Variants in SYNPR observed in about 807,000 individuals in gnomAD.
SYNPR encodes synaptoporin.
SYNPR carries 23 observed loss-of-function variants against 32.9 expected under a neutral mutation model. That is an observed-to-expected ratio of 0.70 (90% CI 0.50 to 0.99). The LOEUF (loss-of-function observed/expected upper bound fraction) is 0.99, where lower values mean the gene tolerates loss of function less well. SYNPR is among the 50% of genes least tolerant of loss of function. The pLI, the probability that SYNPR is intolerant of heterozygous loss-of-function variation, is 0.00. For missense variants in SYNPR, 318 were observed against 349.3 expected (o/e 0.91, Z 0.71); for synonymous variants, 146 against 135.9 (o/e 1.07, Z -0.52).
chr3:63,408,178 GAAAGAAAGAAAGAA>G (rs2088391683), intron 2 of SYNPR, among the ~76,000 whole-genome samples: 2 of 113,620 alleles, frequency 1.8e-5, no homozygotes, highest in Non-Finnish European at 3.4e-5. Context: ...AAGAAAGAAA[GAAAGAAAGAAAGAA>G]AGAGGAAGGA....
chr3:63,244,680 C>T lies in SYNPR; in HGVS notation n.67-7819C>T, dbSNP rs564718942. Among the ~76,000 whole-genome samples, 109 of 152,208 alleles carry T rather than the reference C, an allele frequency of 7.2e-4. 1 individual carries two copies. The highest frequency in any genetic ancestry group is 2.6e-3 in the African/African-American group (108 of 41,564). ...CTTCTTTCCAATGATAGCCCTGTTCCACAAGCTCTGCAAGATGGCAACTTC... is the reference window on the plus strand; with the variant it reads ...CTTCTTTCCAATGATAGCCCTGTTCTACAAGCTCTGCAAGATGGCAACTTC... On this transcript the variant is annotated intron_variant and non_coding_transcript_variant, in intron 1 of 4. Coordinates refer to the SYNPR transcript ENST00000478456.
chr3:63,536,250 TGAA>T (rs1702204596), intron 3 of SYNPR, among the ~76,000 whole-genome samples: 2 of 152,240 alleles, frequency 1.3e-5, no homozygotes, highest in South Asian at 4.1e-4. Context: ...CCAGAATATA[TGAA>T]GAATTCTTAT....
intron 3 of SYNPR, among the ~76,000 whole-genome samples, chr3:63,490,114 G>A (rs1459417401): frequency 1.3e-5 from 2 of 152,172 alleles, no homozygotes; most frequent in African/African-American, 4.8e-5. Flanking sequence ...TGAAATTTGA[G>A]TGCAGACCTG....
chr3:63,227,494 A>T (rs2086137434), upstream of SYNPR, among the ~76,000 whole-genome samples: 1 of 152,178 alleles, frequency 6.6e-6, no homozygotes, highest in African/African-American at 2.4e-5. Context: ...CGGTCACTTA[A>T]TCTAAAATAG....
intron 2 of SYNPR, among the ~76,000 whole-genome samples, chr3:63,465,559 A>G (rs866217598): frequency 6.6e-6 from 1 of 152,274 alleles, no homozygotes; most frequent in Middle Eastern, 3.4e-3. Context: ...TTTCAAACAT[A>G]TATAAAGAAA....
chr3:63,401,952 G>A (rs568133344), intron 2 of SYNPR, among the ~76,000 whole-genome samples: 36 of 152,174 alleles, frequency 2.4e-4, no homozygotes, highest in African/African-American at 8.0e-4. Context: ...TTCTGCCAGA[G>A]AGACACCTAG....
chr3:63,393,121 C>T (rs957467634), intron 2 of SYNPR, among the ~76,000 whole-genome samples: 1 of 152,176 alleles, frequency 6.6e-6, no homozygotes, highest in African/African-American at 2.4e-5. Flanking sequence ...GTGCTTGTTA[C>T]TTACACACCT....
chr3:63,404,836 G>T (rs889746127), intron 2 of SYNPR, among the ~76,000 whole-genome samples: 1 of 151,902 alleles, frequency 6.6e-6, no homozygotes, highest in African/African-American at 2.4e-5. Context: ...TATTTAACAC[G>T]TTTCACATAA....
intron 2 of SYNPR, among the ~76,000 whole-genome samples, chr3:63,314,495 G>T (rs1471760946): frequency 6.6e-6 from 1 of 151,566 alleles, no homozygotes; most frequent in Non-Finnish European, 1.5e-5. Context: ...TTTCATATGT[G>T]TGTTGGTTTG....
At chr3:63,443,266 G>A in intron 2 of SYNPR, 4 of 1,438,122 alleles carry the variant, frequency 2.8e-6, no homozygotes, top group Non-Finnish European at 3.7e-6. Context: ...GGCTGAAGCT[G>A]CTATCTGATT....
chr3:63,385,120 G>A (rs1055865246), intron 2 of SYNPR, among the ~76,000 whole-genome samples: 5 of 152,010 alleles, frequency 3.3e-5, no homozygotes, highest in African/African-American at 1.2e-4. Context: ...GATACCTCCT[G>A]TACTATTATT....
At chr3:63,501,349 T>C (rs1217161650) in intron 3 of SYNPR, among the ~76,000 whole-genome samples, 2 of 151,788 alleles carry the variant, frequency 1.3e-5, no homozygotes, top group Non-Finnish European at 2.9e-5. Flanking sequence ...AATGGTGGCA[T>C]GCCCCTGTAG....
intron 3 of SYNPR, among the ~76,000 whole-genome samples, chr3:63,553,498 T>C (rs1702537817): frequency 6.6e-6 from 1 of 152,188 alleles, no homozygotes. Context: ...TGTTTTAAGT[T>C]ATTTGAGAAA....
At chr3:63,264,974 G>C (rs1053429827) in intron 2 of SYNPR, among the ~76,000 whole-genome samples, 1 of 151,984 alleles carries the variant, frequency 6.6e-6, no homozygotes, top group African/African-American at 2.4e-5. Context: ...CCCTTGACAC[G>C]TGGGGATTAT....
chr3:63,589,085 C>T (rs1358698242), intron 4 of SYNPR, among the ~76,000 whole-genome samples: 1 of 152,054 alleles, frequency 6.6e-6, no homozygotes, highest in Non-Finnish European at 1.5e-5. Context: ...GAGTCCAACA[C>T]TCCCTCTAGA....
intron 2 of SYNPR, among the ~76,000 whole-genome samples, chr3:63,307,272 G>A (rs1216486614): frequency 1.3e-5 from 2 of 151,976 alleles, no homozygotes; most frequent in Non-Finnish European, 2.9e-5. Context: ...CAGGCAGTCT[G>A]ACTTCCCATC....
rs575685499 is a variant in SYNPR, at chr3:63,569,811, AT to A, written c.408+13079del. Among the ~76,000 whole-genome samples, 36 of 151,852 alleles carry A rather than the reference AT, an allele frequency of 2.4e-4. No homozygotes were observed. In the South Asian group the frequency reaches 6.3e-3, roughly 26 times the overall value. Reference sequence around the variant, plus strand: ...AACAAACATACAGAAATCCCATGTGATTTTTTTTTAGCATAATGGAATTCTT... The same window carrying A: ...AACAAACATACAGAAATCCCATGTGATTTTTTTTAGCATAATGGAATTCTT... On this transcript the variant is annotated intron_variant, in intron 4 of 5. Transcript: ENST00000478300.
intron 3 of SYNPR, among the ~76,000 whole-genome samples, chr3:63,506,080 C>CCCTTCCTTCCTTCCTTCCTTCCTT (rs113121978): frequency 3.5e-4 from 53 of 150,258 alleles, no homozygotes; most frequent in African/African-American, 1.3e-3. Flanking sequence ...AGATGCTCCT[C>CCCTTCCTTCCTTCCTTCCTTCCTT]CCTTCCTTCC....
At chr3:63,276,194 G>T (rs2086572818), upstream of SYNPR, among the ~76,000 whole-genome samples, 1 of 152,068 alleles carries the variant, frequency 6.6e-6, no homozygotes, top group Non-Finnish European at 1.5e-5. Flanking sequence ...TAAAACTTCT[G>T]CCCAGAAATG....
Sources: gnomAD v4.1 joint callset for allele counts (sites outside exome capture counted in the v4.1 genomes callset) on GRCh38, gnomAD v4.1.1 for gene constraint, MANE v1.5 for transcripts, NCBI Gene and HGNC (gene_info 2026-07-23, HGNC 2026-07-21) for gene names.